The following CPLX2 variants were observed in gnomAD, a reference collection of about 807,000 sequenced individuals.
The protein encoded by CPLX2 is complexin 2, also known as complexin-2.
CPLX2 carries 5 observed loss-of-function variants against 16.3 expected under a neutral mutation model. The observed-to-expected ratio is 0.31, with a 90% CI of 0.16 to 0.64. The LOEUF is 0.64. Among genes scored for constraint, CPLX2 ranks in the 30% least tolerant of loss-of-function variants. CPLX2 has a pLI of 0.79. For missense variants in CPLX2, 144 were observed against 181.4 expected, an observed-to-expected ratio of 0.79 and a Z score of 1.18; for synonymous variants, 89 against 73.2, an observed-to-expected ratio of 1.22 and a Z score of -1.10.
chr5:175,828,471 C>A (rs188340478), intron 2 of CPLX2, among the ~76,000 whole-genome samples: 7 of 152,260 alleles, frequency 4.6e-5, no homozygotes, highest in Admixed American at 3.9e-4. Flanking sequence ...TATTTAGAGA[C>A]CAGAGCTATT....
chr5:175,859,345 G>A (rs541457965), intron 2 of CPLX2, among the ~76,000 whole-genome samples: 1 of 152,306 alleles, frequency 6.6e-6, no homozygotes, highest in East Asian at 1.9e-4. Flanking sequence ...ATGGAAAGAG[G>A]CCAGATAAAG....
chr5:175,838,663 A>C (rs1187632414), intron 2 of CPLX2, among the ~76,000 whole-genome samples: 1 of 152,012 alleles, frequency 6.6e-6, no homozygotes, highest in East Asian at 1.9e-4. Context: ...CTGTGACCAC[A>C]TGGTTTTCCA....
chr5:175,843,940 C>A (rs946648256), intron 2 of CPLX2, among the ~76,000 whole-genome samples: 1 of 152,248 alleles, frequency 6.6e-6, no homozygotes, highest in African/African-American at 2.4e-5. Flanking sequence ...CCTTTCACCC[C>A]CTACACAGTG....
In CPLX2 at chr5:175,882,138, C is replaced by T. The variant is rs547710485; in HGVS notation, c.*2093C>T. Reference sequence around the variant, plus strand: ...CCCCGCACCCCGCCCCCACCTTGTGCCCCTGTGTCCAGCCCCCCAGGGGGC... The same window carrying T: ...CCCCGCACCCCGCCCCCACCTTGTGTCCCTGTGTCCAGCCCCCCAGGGGGC... On this transcript the variant is annotated 3_prime_UTR_variant, in exon 4 of 4. Coordinates refer to ENST00000393745, the MANE Select transcript of CPLX2 (RefSeq NM_001008220.2). The T allele has an allele frequency of 3.3e-4, 50 of 152,392 alleles. No homozygotes were observed. The highest frequency in any genetic ancestry group is 1.7e-3 in the South Asian group (8 of 4,812). 9.4% of individuals were successfully genotyped at this position (152,392 alleles called of 1,614,324 possible).
At chr5:175,875,644 T>C (rs1464320032) in intron 1 of CPLX2, among the ~76,000 whole-genome samples, 1 of 152,116 alleles carries the variant, frequency 6.6e-6, no homozygotes, top group Non-Finnish European at 1.5e-5. Flanking sequence ...CTCAGACCCC[T>C]TATACTTTCG....
rs766571484 is a variant in CPLX2 at position 175,879,050 on chromosome 5, G to A, written c.174G>A (p.Glu58=). 1.3e-6 allele frequency: 2 copies of A among 1,585,008 alleles called. No individual in the cohort carries two copies. Among genetic ancestry groups the A allele is most frequent in the African/African-American group, 1.4e-5 (1 of 74,046 alleles). The change falls in exon 3 of 4, where the codon GAG becomes GAA. Residue 58 remains glutamate (E), a synonymous_variant. Transcript: ENST00000393745. The stretch of plus-strand genomic sequence containing the variant: ...CCAAGCACGCGCGCATGGAGGCGGA[G>A]CGGGAGAAGGTCCGGCAGCAGATCC... ...RKAKHARMEA[E]REKVRQQIRD...
chr5:175,801,978 T>A (rs1057372894), intron 1 of CPLX2, among the ~76,000 whole-genome samples: 1 of 152,334 alleles, frequency 6.6e-6, no homozygotes, highest in South Asian at 2.1e-4. Context: ...ACACAGCCAG[T>A]TACTGGCAGG....
In CPLX2 at chr5:175,879,988, C is replaced by A. The variant is rs746666225; in HGVS notation, c.348C>A (p.Ile116=). Residue 116 remains isoleucine (I), a synonymous_variant, in exon 4 of 4, where the codon ATC becomes ATA. Coordinates refer to ENST00000393745, the MANE Select transcript of CPLX2 (RefSeq NM_001008220.2). The part of the protein sequence containing the change: ...GDEEEEEEES[I]LDTVLKYLPG... ...AGGAGGAGGAGGAAGAGGAGAGCAT[C>A]CTGGACACGGTGCTCAAATACCTGC... 6.2e-7 allele frequency: 1 copy of A among 1,614,022 alleles called. No individual in the cohort carries two copies. Among genetic ancestry groups the A allele is most frequent in the Non-Finnish European group, 8.5e-7 (1 of 1,179,964 alleles).
Position 175,878,957 on chromosome 5 carries a change from C to T in CPLX2, c.81C>T (p.Asp27=), listed in dbSNP as rs1417566073. The T allele has an allele frequency of 1.2e-6, 2 of 1,611,076 alleles. No individual in the cohort carries two copies. Among genetic ancestry groups the T allele is most frequent in the South Asian group, 2.2e-5 (2 of 90,264 alleles). The change falls in exon 3 of 4, where the codon GAC becomes GAT. Residue 27 remains aspartate (D), a synonymous_variant. Transcript: ENST00000393745. ...GKMLGGEEEK[D]PDAQKKEEER... The stretch of plus-strand genomic sequence containing the variant: ...TGCTGGGGGGAGAGGAGGAGAAGGA[C>T]CCCGACGCGCAGAAAAAGGAGGAGG...
intron 2 of CPLX2, among the ~76,000 whole-genome samples, chr5:175,815,920 A>G (rs1422652905): frequency 2.0e-5 from 3 of 152,226 alleles, no homozygotes; most frequent in African/African-American, 4.8e-5. Context: ...TGCCTGACAC[A>G]CATGAAGGGC....
At chr5:175,848,828 G>T (rs1036681928) in intron 2 of CPLX2, among the ~76,000 whole-genome samples, 13 of 152,184 alleles carry the variant, frequency 8.5e-5, no homozygotes, top group African/African-American at 2.4e-4. Context: ...AGATGAGCAT[G>T]TTTCAGGCAG....
chr5:175,859,284 C>A (rs1309534610), intron 2 of CPLX2, among the ~76,000 whole-genome samples: 3 of 152,230 alleles, frequency 2.0e-5, no homozygotes, highest in Non-Finnish European at 4.4e-5. Flanking sequence ...CTGAAAGTCA[C>A]CTTGGGAAGG....
intron 2 of CPLX2, among the ~76,000 whole-genome samples, chr5:175,856,139 G>A (rs1005251329): frequency 3.3e-5 from 5 of 152,190 alleles, no homozygotes; most frequent in African/African-American, 9.7e-5. Flanking sequence ...CTAGTTGTGC[G>A]ACCTTGGCAA....
chr5:175,835,663 T>C (rs1758815281), intron 2 of CPLX2, among the ~76,000 whole-genome samples: 1 of 151,976 alleles, frequency 6.6e-6, no homozygotes, highest in Non-Finnish European at 1.5e-5. Context: ...AAATTATTTA[T>C]TTAAGTGAGT....
At chr5:175,863,107 G>A (rs1367396469) in intron 2 of CPLX2, among the ~76,000 whole-genome samples, 1 of 152,212 alleles carries the variant, frequency 6.6e-6, no homozygotes, top group Admixed American at 6.5e-5. Flanking sequence ...AAGCTGACTG[G>A]AAGTGCACAA....
At position 175,849,126 on chromosome 5, in the gene CPLX2, G is replaced by C. The variant is rs562934812; in HGVS notation, c.-88-29526G>C. Among the ~76,000 whole-genome samples the C allele has an allele frequency of 1.3e-5, 2 of 152,332 alleles. No individual in the cohort carries two copies. Among genetic ancestry groups the C allele is most frequent in the Admixed American group, 1.3e-4 (2 of 15,310 alleles). On this transcript the variant is annotated intron_variant, in intron 2 of 4. Coordinates refer to the CPLX2 transcript ENST00000359546. This position sits in a 1 kb window ranked among gnomAD's most constrained non-coding sequence, Gnocchi z 4.4. ...CTGCTGTGGGAGGCTGTGCTGGTGT[G>C]TGTTTTTAACACCAGCCAGTGCTGC...
chr5:175,848,754 G>C (rs1439846415), intron 2 of CPLX2, among the ~76,000 whole-genome samples: 5 of 152,160 alleles, frequency 3.3e-5, no homozygotes, highest in Non-Finnish European at 7.3e-5. Context: ...CAATCAGAGG[G>C]GTTGCTTTGG....
intron 2 of CPLX2, among the ~76,000 whole-genome samples, chr5:175,818,650 C>CTTTTTTTTTTTTTTTTT (rs70988300): frequency 2.0e-5 from 1 of 50,808 alleles, no homozygotes; most frequent in African/African-American, 7.4e-5. Context: ...CTGTCCCAAC[C>CTTTTTTTTTTTTTTTTT]TTTTTTTTTT....
rs1047183680 is a variant in CPLX2, at chr5:175,881,175, T to C, written c.*1130T>C. ...GGATGGTGAGGGAAGAGGGGTCACA[T>C]GAGGGAGGAAACTGTATCCATGCAT... On this transcript the variant is annotated 3_prime_UTR_variant, in exon 4 of 4. Transcript: ENST00000393745. 6.5e-6 allele frequency: 1 copy of C among 153,090 alleles called. No homozygotes were observed. The highest frequency in any genetic ancestry group is 1.5e-5 in the Non-Finnish European group (1 of 68,150). 9.5% of individuals were successfully genotyped at this position (153,090 alleles called of 1,614,324 possible).
Sources: allele counts gnomAD v4.1 joint callset (sites outside exome capture counted in the v4.1 genomes callset), GRCh38; gene constraint gnomAD v4.1.1; non-coding constraint Gnocchi (gnomAD v3.1); transcripts MANE v1.5; gene names NCBI Gene and HGNC (gene_info 2026-07-23, HGNC 2026-07-21).